Variants in ARL5B observed in about 807,000 individuals in gnomAD.
ARL5B encodes ADP-ribosylation factor-like protein 5B.
A neutral mutation model predicts 26.9 loss-of-function variants in ARL5B; 10 were observed. The ratio of observed to expected loss-of-function variants is 0.37; its 90% confidence interval spans 0.23 to 0.63. The LOEUF (loss-of-function observed/expected upper bound fraction) is 0.63. Among genes scored for constraint, ARL5B ranks in the 30% least tolerant of loss-of-function variants. The probability of loss-of-function intolerance (pLI) is 0.62; values close to 1 mark genes in which losing one functional copy is unlikely to be tolerated. For synonymous variants in ARL5B, 87 were observed against 70.4 expected, an observed-to-expected ratio of 1.24 and a Z score of -1.18; for missense variants, 167 against 213.9, an observed-to-expected ratio of 0.78 and a Z score of 1.37.
At chr10:18,669,570 A>T (rs1385385166) in intron 3 of ARL5B, among the ~76,000 whole-genome samples, 1 of 152,170 alleles carries the variant, frequency 6.6e-6, no homozygotes, top group Non-Finnish European at 1.5e-5. Flanking sequence ...AGATTTTTTT[A>T]AAAGCCATTC....
intron 1 of ARL5B, 42 bp downstream of exon 1, chr10:18,659,725 G>T (rs1172548065): frequency 2.5e-6 from 4 of 1,600,018 alleles, no homozygotes; most frequent in Middle Eastern, 1.7e-4. Flanking sequence ...ATCCGAGGCA[G>T]AGGGTCCCGC....
intron 1 of ARL5B, among the ~76,000 whole-genome samples, chr10:18,662,645 T>C (rs1375934497): frequency 6.6e-6 from 1 of 152,090 alleles, no homozygotes; most frequent in Admixed American, 6.6e-5. Context: ...ATAGTCTTTT[T>C]CTCTCAGTGT....
chr10:18,668,770 CTTT>C (rs34027786), intron 3 of ARL5B, 93 bp downstream of exon 3: 8,367 of 895,700 alleles, frequency 9.3e-3, no homozygotes, highest in Non-Finnish European at 0.01. Flanking sequence ...TGACAGTTGC[CTTT>C]TTTTTTTTTT....
intron 1 of ARL5B, among the ~76,000 whole-genome samples, chr10:18,660,771 T>C (rs1277605903): frequency 6.6e-6 from 1 of 152,234 alleles, no homozygotes; most frequent in African/African-American, 2.4e-5. Flanking sequence ...CCACAGATAA[T>C]ATTACTTATC....
At position 18,666,555 on chromosome 10, in the gene ARL5B, G is replaced by T. The variant is rs1217163447; in HGVS notation, c.47-20G>T. On this transcript the variant is annotated intron_variant, in intron 1 of 5. Transcript: ENST00000377275. ...TAATGCAGTAGTGTTAAATGTTTAT[G>T]ATTTGCTTTCTTTTTGTAGAACACA... 2 of 1,592,748 alleles carry T rather than the reference G, an allele frequency of 1.3e-6. No homozygotes were observed. Among genetic ancestry groups the T allele is most frequent in the Non-Finnish European group, 8.6e-7 (1 of 1,167,100 alleles).
At chr10:18,661,946 G>C (rs2059838759) in intron 1 of ARL5B, among the ~76,000 whole-genome samples, 3 of 152,298 alleles carry the variant, frequency 2.0e-5, no homozygotes, top group South Asian at 4.1e-4. Flanking sequence ...ACAACCAGGA[G>C]AACCTTATCA....
Position 18,675,207 on chromosome 10 carries a change from T to C in ARL5B, c.531T>C (p.Gly177=). 2 of 1,613,422 alleles carry C rather than the reference T, an allele frequency of 1.2e-6. No homozygotes were observed. The highest frequency in any genetic ancestry group is 8.5e-7 in the Non-Finnish European group (1 of 1,179,430). Reference sequence around the variant, plus strand: ...TAGAGTGGATGACCTCCCGGATTGGTGTGAGATAACTTTTTTGCTTGAAAG... The same window carrying C: ...TAGAGTGGATGACCTCCCGGATTGGCGTGAGATAACTTTTTTGCTTGAAAG... The part of the protein sequence containing the change: ...QGLEWMTSRI[G]VR Residue 177 remains glycine, a synonymous_variant, in exon 6 of 6, where the codon GGT becomes GGC. Coordinates refer to ENST00000377275, the MANE Select transcript of ARL5B (RefSeq NM_178815.5).
At position 18,659,513 on chromosome 10, in the gene ARL5B, C is replaced by G; in HGVS notation, c.-125C>G. On this transcript the variant is annotated 5_prime_UTR_variant, in exon 1 of 6. Coordinates refer to ENST00000377275, the MANE Select transcript of ARL5B (RefSeq NM_178815.5). ...GTCGGGTCGAGGCTTCTCGGCCTAG[C>G]AGTGCCCTCGCTGCGCGATCTCAGG... 2 of 1,247,060 alleles carry G rather than the reference C, an allele frequency of 1.6e-6. No individual in the cohort carries two copies. Among genetic ancestry groups the G allele is most frequent in the Non-Finnish European group, 2.2e-6 (2 of 929,350 alleles). The allele number at this position is 1,247,060 out of a possible 1,614,324, so 77.2% of individuals were successfully genotyped here. A position where few individuals can be genotyped will look rare whatever the true frequency, so the allele number is the denominator to read the frequency against.
chr10:18,662,873 T>C (rs1318140958), intron 1 of ARL5B, among the ~76,000 whole-genome samples: 1 of 151,740 alleles, frequency 6.6e-6, no homozygotes, highest in African/African-American at 2.4e-5. Context: ...CGGCTAATTT[T>C]TGTATTTTTA....
At chr10:18,673,212 C>T (rs1188776529) in intron 4 of ARL5B, among the ~76,000 whole-genome samples, 4 of 151,988 alleles carry the variant, frequency 2.6e-5, no homozygotes, top group Non-Finnish European at 5.9e-5. Context: ...CAGGAACCCG[C>T]CACCACGCCT....
At chr10:18,668,396 C>T in intron 2 of ARL5B, 134 bp from the exon 3 acceptor site, 2 of 849,824 alleles carry the variant, frequency 2.4e-6, no homozygotes, top group Non-Finnish European at 1.8e-6. Context: ...AAGTGTTCTC[C>T]AGGTTTATAA....
In ARL5B at chr10:18,676,759, T is replaced by A. The variant is rs2059912153; in HGVS notation, c.*1543T>A. 6.6e-6 allele frequency: 1 copy of A among 152,002 alleles called. No homozygotes were observed. Among genetic ancestry groups the A allele is most frequent in the African/African-American group, 2.4e-5 (1 of 41,446 alleles). 9.4% of individuals were successfully genotyped at this position (152,002 alleles called of 1,614,324 possible). On this transcript the variant is annotated 3_prime_UTR_variant, in exon 6 of 6. Transcript: ENST00000377275. ...TTAAATTTTGCTCTTTTTTCAGGTG[T>A]GCTTGGTTTATTATATTTAGTCAAG...
At chr10:18,665,324 C>T (rs1297075993) in intron 1 of ARL5B, among the ~76,000 whole-genome samples, 1 of 152,088 alleles carries the variant, frequency 6.6e-6, no homozygotes, top group Non-Finnish European at 1.5e-5. Context: ...CAAAGCAAGA[C>T]CCTGTCTCAA....
intron 1 of ARL5B, among the ~76,000 whole-genome samples, chr10:18,661,368 T>TCTTAC (rs2059835680): frequency 6.6e-6 from 1 of 152,200 alleles, no homozygotes; most frequent in South Asian, 2.1e-4. Flanking sequence ...TAATAAAAGA[T>TCTTAC]GTAAGGGGAA....
rs747941435 is a variant in ARL5B, at chr10:18,668,729, T to C, written c.255+52T>C. 90 of 1,567,918 alleles carry C rather than the reference T, an allele frequency of 5.7e-5. 3 individuals carry two copies. Among genetic ancestry groups the C allele is most frequent in the Admixed American group, 2.4e-4 (13 of 54,424 alleles). ...AATCCAAAGGTCCCTAGAGTAAACA[T>C]AGAAAGTAATTAGGCTGCACCTGGG... On this transcript the variant is annotated intron_variant, in intron 3 of 5. Coordinates refer to ENST00000377275, the MANE Select transcript of ARL5B (RefSeq NM_178815.5).
intron 3 of ARL5B, among the ~76,000 whole-genome samples, chr10:18,669,144 T>C (rs942281858): frequency 6.6e-6 from 1 of 152,080 alleles, no homozygotes; most frequent in African/African-American, 2.4e-5. Context: ...ATTTCATAAA[T>C]GAGACTTAAG....
At chr10:18,671,292 C>T (rs1471301060) in intron 3 of ARL5B, among the ~76,000 whole-genome samples, 2 of 151,926 alleles carry the variant, frequency 1.3e-5, no homozygotes, top group Admixed American at 6.6e-5. Context: ...CCTCCCTCAG[C>T]CTCCGAAGTA....
chr10:18,675,975 T>C lies in ARL5B; in HGVS notation c.*759T>C, dbSNP rs1232765501. On this transcript the variant is annotated 3_prime_UTR_variant, in exon 6 of 6. Transcript: ENST00000377275. ...AATATTCTTGAATAAATCTGTTATTTTAAGAATATCACATTATTCAATGCA... is the reference window on the plus strand; with the variant it reads ...AATATTCTTGAATAAATCTGTTATTCTAAGAATATCACATTATTCAATGCA... 1.3e-5 allele frequency: 2 copies of C among 152,098 alleles called. No homozygotes were observed. Among genetic ancestry groups the C allele is most frequent in the Non-Finnish European group, 2.9e-5 (2 of 67,938 alleles). 9.4% of individuals were successfully genotyped at this position (152,098 alleles called of 1,614,324 possible).
At position 18,675,765 on chromosome 10, in the gene ARL5B, C is replaced by G. The variant is rs2059908018; in HGVS notation, c.*549C>G. 1 of 152,150 alleles carries G rather than the reference C, an allele frequency of 6.6e-6. No individual in the cohort carries two copies. Among genetic ancestry groups the G allele is most frequent in the South Asian group, 2.1e-4 (1 of 4,834 alleles). 9.4% of individuals were successfully genotyped at this position (152,150 alleles called of 1,614,324 possible). A position where few individuals can be genotyped will look rare whatever the true frequency, so the allele number is the denominator to read the frequency against. On this transcript the variant is annotated 3_prime_UTR_variant, in exon 6 of 6. Coordinates refer to ENST00000377275, the MANE Select transcript of ARL5B (RefSeq NM_178815.5). ...TAAGGAAGATTCCACATCATGAGTA[C>G]TTGCCTTTTAACTTTCCCCCACATT...
Sources: allele counts gnomAD v4.1 joint callset (sites outside exome capture counted in the v4.1 genomes callset), GRCh38; gene constraint gnomAD v4.1.1; transcripts MANE v1.5; gene names NCBI Gene and HGNC (gene_info 2026-07-23, HGNC 2026-07-21).